Variants in LUZP2 observed in about 807,000 individuals in gnomAD.
The protein encoded by LUZP2 is leucine zipper protein 2.
A neutral mutation model predicts 51.6 loss-of-function variants in LUZP2; 52 were observed. That is an observed-to-expected ratio of 1.01 (90% CI 0.81 to 1.27). LUZP2 has a LOEUF of 1.27. LUZP2 is among the 50% of genes most tolerant of loss of function. LUZP2 has a pLI of 0.00. For synonymous variants in LUZP2, 154 were observed against 137.3 expected (o/e 1.12, Z -0.85); for missense variants, 436 against 395.4 (o/e 1.10, Z -0.87).
chr11:24,705,984 C>G (rs1374095383), intron 1 of LUZP2, among the ~76,000 whole-genome samples: 1 of 149,918 alleles, frequency 6.7e-6, no homozygotes, highest in Non-Finnish European at 1.5e-5. Flanking sequence ...ATTTAGAAAG[C>G]ATTGAGTGAC....
At chr11:24,956,696 C>A (rs910370263) in intron 7 of LUZP2, among the ~76,000 whole-genome samples, 1 of 151,618 alleles carries the variant, frequency 6.6e-6, no homozygotes, top group Non-Finnish European at 1.5e-5. Context: ...GGGTAGAAAA[C>A]AAGAAGGAAG....
At chr11:24,849,577 A>G (rs1851321973) in intron 5 of LUZP2, among the ~76,000 whole-genome samples, 1 of 152,184 alleles carries the variant, frequency 6.6e-6, no homozygotes, top group Admixed American at 6.5e-5. Context: ...GCAGTGCTGC[A>G]ATAAACATAC....
intron 1 of LUZP2, among the ~76,000 whole-genome samples, chr11:24,679,458 T>C (rs965282503): frequency 6.6e-6 from 1 of 152,156 alleles, no homozygotes; most frequent in Non-Finnish European, 1.5e-5. Flanking sequence ...TAGACCTTAC[T>C]GTATGACAGA....
intron 1 of LUZP2, among the ~76,000 whole-genome samples, chr11:24,630,673 C>CTTTTTTTTT (rs57556855): frequency 1.5e-5 from 2 of 131,656 alleles, no homozygotes; most frequent in African/African-American, 2.8e-5. Context: ...GCTATTCCGA[C>CTTTTTTTTT]TTTTTTTTTT....
chr11:24,848,140 T>TTGATATGATA lies in LUZP2; in HGVS notation c.397-57835_397-57826dup, dbSNP rs11269785. On this transcript the variant is annotated intron_variant, in intron 5 of 11. Coordinates refer to ENST00000336930, the MANE Select transcript of LUZP2 (RefSeq NM_001009909.4). ...CTCAGCAAACAGGACTAATATATGATTGATATGATATGATATGATATGATA... is the reference window on the plus strand; with the variant it reads ...CTCAGCAAACAGGACTAATATATGATTGATATGATATGATATGATATGATATGATATGATA... 6.1e-3 allele frequency among the ~76,000 whole-genome samples: 923 copies of TTGATATGATA among 151,508 alleles called. 2 individuals are homozygous for TTGATATGATA. Among genetic ancestry groups the TTGATATGATA allele is most frequent in the Middle Eastern group, 0.014 (4 of 294 alleles).
chr11:24,656,414 TGGATTA>T (rs1855806179), intron 1 of LUZP2, among the ~76,000 whole-genome samples: 1 of 152,212 alleles, frequency 6.6e-6, no homozygotes, highest in Non-Finnish European at 1.5e-5. Flanking sequence ...TAAGCCCGTA[TGGATTA>T]TTGTATCGGT....
At chr11:24,867,202 C>G (rs982101978) in intron 5 of LUZP2, among the ~76,000 whole-genome samples, 1 of 152,116 alleles carries the variant, frequency 6.6e-6, no homozygotes, top group Non-Finnish European at 1.5e-5. Context: ...CAGAGTAACT[C>G]CTTGCATTCT....
chr11:24,858,604 GA>G (rs759899322), intron 5 of LUZP2, among the ~76,000 whole-genome samples: 3 of 152,118 alleles, frequency 2.0e-5, no homozygotes, highest in Non-Finnish European at 4.4e-5. Context: ...CAAATGCAAA[GA>G]AACTTAATAA....
chr11:24,921,729 T>C (rs927246212), intron 7 of LUZP2, among the ~76,000 whole-genome samples: 2 of 152,184 alleles, frequency 1.3e-5, no homozygotes, highest in African/African-American at 2.4e-5. Context: ...CAGGAAGATG[T>C]GCATATATTA....
At chr11:25,056,009 C>CA (rs1294926825) in intron 10 of LUZP2, among the ~76,000 whole-genome samples, 10 of 152,006 alleles carry the variant, frequency 6.6e-5, no homozygotes, top group African/African-American at 1.9e-4. Flanking sequence ...ATGCCTCTCA[C>CA]AAAAAACCTC....
chr11:24,910,995 A>G (rs868424107), intron 6 of LUZP2, among the ~76,000 whole-genome samples: 2 of 152,216 alleles, frequency 1.3e-5, no homozygotes, highest in Non-Finnish European at 2.9e-5. Context: ...GTATATCAGC[A>G]TAACCTGGAT....
intron 9 of LUZP2, 93 bp from the exon 10 acceptor site, chr11:25,049,945 T>A: frequency 5.3e-6 from 3 of 569,636 alleles, no homozygotes; most frequent in Non-Finnish European, 8.8e-6. Flanking sequence ...TTATATCATG[T>A]GTTACAATAA....
chr11:25,003,216 G>C (rs1435006868), intron 9 of LUZP2, among the ~76,000 whole-genome samples: 1 of 152,196 alleles, frequency 6.6e-6, no homozygotes, highest in Non-Finnish European at 1.5e-5. Flanking sequence ...TGAAGGACCA[G>C]AGTGCCTGGA....
chr11:24,917,468 G>A (rs1001455960), intron 7 of LUZP2, among the ~76,000 whole-genome samples: 54 of 152,186 alleles, frequency 3.5e-4, no homozygotes, highest in African/African-American at 1.2e-3. Context: ...ATGGTTTTAG[G>A]TCTAACATGT....
chr11:24,689,137 G>A (rs921557745), intron 1 of LUZP2, among the ~76,000 whole-genome samples: 20 of 152,278 alleles, frequency 1.3e-4, no homozygotes, highest in African/African-American at 4.8e-4. Context: ...ACACTTGTAA[G>A]AGAGCCAAGG....
At chr11:24,930,297 T>A (rs1854409280) in intron 7 of LUZP2, among the ~76,000 whole-genome samples, 1 of 152,202 alleles carries the variant, frequency 6.6e-6, no homozygotes, top group Admixed American at 6.5e-5. Context: ...ATACGTTTTT[T>A]TTCATTGTGT....
chr11:24,847,052 C>A (rs927851647), intron 5 of LUZP2, among the ~76,000 whole-genome samples: 33 of 151,680 alleles, frequency 2.2e-4, no homozygotes, highest in African/African-American at 6.8e-4. Flanking sequence ...AGATACATTT[C>A]TAATTATTAA....
chr11:24,719,006 A>T (rs1034364478), intron 1 of LUZP2, among the ~76,000 whole-genome samples: 3 of 152,218 alleles, frequency 2.0e-5, no homozygotes, highest in African/African-American at 4.8e-5. Context: ...AGCACAGGGT[A>T]TATAAGAGGA....
intron 5 of LUZP2, among the ~76,000 whole-genome samples, chr11:24,905,543 A>T (rs573740637): frequency 2.2e-4 from 33 of 152,266 alleles, no homozygotes; most frequent in African/African-American, 6.3e-4. Context: ...AATAAATAAA[A>T]AAAAAGAAAT....
Sources: allele counts gnomAD v4.1 joint callset (sites outside exome capture counted in the v4.1 genomes callset), GRCh38; gene constraint gnomAD v4.1.1; transcripts MANE v1.5; gene names NCBI Gene and HGNC (gene_info 2026-07-23, HGNC 2026-07-21).